Variants in TRIM2 observed in about 807,000 individuals in gnomAD.
TRIM2 encodes tripartite motif containing 2.
In TRIM2, 20 loss-of-function variants were observed where a neutral mutation model predicts 75.2. The observed-to-expected ratio is 0.27, with a 90% CI of 0.19 to 0.39. TRIM2 has a LOEUF of 0.39. TRIM2 is among the 10% of genes least tolerant of loss of function. The pLI is 1.00. For missense variants in TRIM2, 660 were observed against 990.8 expected (o/e 0.67, Z 4.48); for synonymous variants, 373 against 388.3 (o/e 0.96, Z 0.46).
chr4:153,155,132 T>TC (rs1729111254), intron 1 of TRIM2, among the ~76,000 whole-genome samples: 1 of 152,032 alleles, frequency 6.6e-6, no homozygotes, highest in Admixed American at 6.6e-5. Flanking sequence ...AGGGTGAGAC[T>TC]CCGTCTCAAA....
chr4:153,266,556 T>A (rs1324820080), intron 1 of TRIM2, among the ~76,000 whole-genome samples: 2 of 151,960 alleles, frequency 1.3e-5, no homozygotes, highest in Non-Finnish European at 2.9e-5. Context: ...TCGGCCAGGA[T>A]GGTCTGGATC....
chr4:153,176,153 A>G (rs1179309890), intron 1 of TRIM2, among the ~76,000 whole-genome samples: 1 of 152,158 alleles, frequency 6.6e-6, no homozygotes, highest in Admixed American at 6.5e-5. Context: ...AGAGAAAGAT[A>G]TTAAGAATGA....
chr4:153,272,864 G>A (rs1361323252), intron 2 of TRIM2, among the ~76,000 whole-genome samples: 12 of 152,002 alleles, frequency 7.9e-5, no homozygotes. Flanking sequence ...TTTTTGAGAC[G>A]GAGTCTTGCT....
At chr4:153,251,525 A>C (rs1750877110) in intron 1 of TRIM2, among the ~76,000 whole-genome samples, 3 of 152,106 alleles carry the variant, frequency 2.0e-5, no homozygotes, top group South Asian at 4.1e-4. Context: ...ATATCTTTAA[A>C]ATTTTTTTCT....
rs186358165 is a variant in TRIM2, at chr4:153,287,278, G to A, written c.454-5704G>A. Among the ~76,000 whole-genome samples, 85 of 152,158 alleles carry A rather than the reference G, an allele frequency of 5.6e-4. 1 individual carries two copies. The highest frequency in any genetic ancestry group is 2.0e-3 in the African/African-American group (81 of 41,522). On this transcript the variant is annotated intron_variant, in intron 3 of 11. Transcript: ENST00000338700. ...TACAGGCATGAGCCACCATATCTGG[G>A]CCATCCTGTCACTTTCAACCTATTT...
At chr4:153,235,378 G>A (rs777412787) in intron 1 of TRIM2, among the ~76,000 whole-genome samples, 55 of 151,694 alleles carry the variant, frequency 3.6e-4, no homozygotes, top group Admixed American at 1.5e-3. Flanking sequence ...TTGACCTCCC[G>A]AGCTCAAGGA....
At chr4:153,166,911 G>C (rs4235230) in intron 1 of TRIM2, among the ~76,000 whole-genome samples, 1 of 151,948 alleles carries the variant, frequency 6.6e-6, no homozygotes, top group South Asian at 2.1e-4. Context: ...TCCACCTCCC[G>C]GGGGTCTGTC....
At chr4:153,247,995 G>GTTTTTT (rs34416658) in intron 1 of TRIM2, among the ~76,000 whole-genome samples, 2 of 128,740 alleles carry the variant, frequency 1.6e-5, no homozygotes, top group African/African-American at 3.0e-5. Context: ...TGGATCATGT[G>GTTTTTT]TTTTTTTTTT....
At chr4:153,201,278 A>C (rs1161079234), upstream of TRIM2, among the ~76,000 whole-genome samples, 2 of 151,768 alleles carry the variant, frequency 1.3e-5, no homozygotes, top group Non-Finnish European at 2.9e-5. Flanking sequence ...TGTGTTTTTG[A>C]TTTGCACTTC....
intron 1 of TRIM2, among the ~76,000 whole-genome samples, chr4:153,251,555 T>C (rs1365492377): frequency 6.6e-6 from 1 of 152,256 alleles, no homozygotes; most frequent in Admixed American, 6.5e-5. Flanking sequence ...GTTAATGAGG[T>C]ACAGTGTGAT....
upstream of TRIM2, among the ~76,000 whole-genome samples, chr4:153,200,097 C>T (rs1403416553): frequency 1.3e-5 from 2 of 152,114 alleles, no homozygotes; most frequent in African/African-American, 2.4e-5. Context: ...ACCGCCACCA[C>T]GCCCACCTAC....
chr4:153,177,978 T>A (rs1162504928), intron 1 of TRIM2, among the ~76,000 whole-genome samples: 2 of 152,026 alleles, frequency 1.3e-5, no homozygotes, highest in Non-Finnish European at 2.9e-5. Context: ...ATTTTTGTAT[T>A]TTTTGTAGAG....
upstream of TRIM2, among the ~76,000 whole-genome samples, chr4:153,199,523 T>G (rs1326958441): frequency 6.6e-6 from 1 of 152,230 alleles, no homozygotes; most frequent in African/African-American, 2.4e-5. Context: ...TGCCAGCCTG[T>G]GCCTATTCCA....
rs1762153479 is a variant in TRIM2, at chr4:153,293,150, CA to C, written c.605+20del. On this transcript the variant is annotated intron_variant, in intron 4 of 11. Coordinates refer to ENST00000338700, the MANE Select transcript of TRIM2 (RefSeq NM_015271.5). ...CAACAAAAGGTGGGGGACCCCTCCC[CA>C]AACCCCCAACTGGCTGCCTGTACTT... The C allele has an allele frequency of 3.1e-6, 5 of 1,592,944 alleles. No homozygotes were observed. Among genetic ancestry groups the C allele is most frequent in the Non-Finnish European group, 4.3e-6 (5 of 1,164,900 alleles).
chr4:153,253,882 A>T (rs34961643), intron 1 of TRIM2, among the ~76,000 whole-genome samples: 22,750 of 152,168 alleles, frequency 0.15, 1,950 homozygotes, highest in Admixed American at 0.21. Flanking sequence ...AACCATGTAA[A>T]TGGGGAACCA....
At chr4:153,291,824 C>T (rs191052629) in intron 3 of TRIM2, among the ~76,000 whole-genome samples, 2 of 152,316 alleles carry the variant, frequency 1.3e-5, no homozygotes, top group Admixed American at 1.3e-4. Context: ...CAGGTGCCAT[C>T]TGAGTTCTTC....
At chr4:153,283,372 T>G (rs2150093362) in intron 3 of TRIM2, among the ~76,000 whole-genome samples, 1 of 152,348 alleles carries the variant, frequency 6.6e-6, no homozygotes, top group East Asian at 1.9e-4. Flanking sequence ...TTCATCCATG[T>G]TATGGTATAT....
At chr4:153,260,309 G>C (rs1753080842) in intron 1 of TRIM2, among the ~76,000 whole-genome samples, 1 of 151,962 alleles carries the variant, frequency 6.6e-6, no homozygotes, top group Non-Finnish European at 1.5e-5. Context: ...AGGAGACCCC[G>C]AGCATCTTGA....
chr4:153,171,742 A>C (rs1402236189), intron 1 of TRIM2, among the ~76,000 whole-genome samples: 1 of 151,604 alleles, frequency 6.6e-6, no homozygotes, highest in Non-Finnish European at 1.5e-5. Context: ...AGAGCATGAA[A>C]CCTCCATGAA....
Sources: allele counts gnomAD v4.1 joint callset (sites outside exome capture counted in the v4.1 genomes callset), GRCh38; gene constraint gnomAD v4.1.1; transcripts MANE v1.5; gene names NCBI Gene and HGNC (gene_info 2026-07-23, HGNC 2026-07-21).